Variants in ACBD7 observed in about 807,000 individuals in gnomAD.
ACBD7 encodes acyl-CoA-binding domain-containing protein 7.
In ACBD7, 11 loss-of-function variants were observed where a neutral mutation model predicts 13.7. The observed-to-expected ratio is 0.80, with a 90% CI of 0.50 to 1.33. The LOEUF (loss-of-function observed/expected upper bound fraction) is 1.33. ACBD7 is among the 40% of genes most tolerant of loss of function. The pLI, the probability that ACBD7 is intolerant of heterozygous loss-of-function variation, is 0.00. For synonymous variants in ACBD7, 43 were observed against 37.7 expected (o/e 1.14, Z -0.51); for missense variants, 111 against 103.0 (o/e 1.08, Z -0.33).
At chr10:15,079,837 G>A (rs369481839) in intron 1 of ACBD7, among the ~76,000 whole-genome samples, 44 of 151,376 alleles carry the variant, frequency 2.9e-4, no homozygotes, top group African/African-American at 1.0e-3. Context: ...TTGGCCTCCC[G>A]AAGTGCTGGG....
intron 1 of ACBD7, chr10:15,088,428 G>C: frequency 2.0e-6 from 1 of 504,222 alleles, no homozygotes; most frequent in Non-Finnish European, 3.5e-6. Context: ...ACTCCCTCTC[G>C]GAGACGGAGA....
chr10:15,084,157 T>C (rs1046071773), intron 1 of ACBD7, among the ~76,000 whole-genome samples: 1 of 152,186 alleles, frequency 6.6e-6, no homozygotes, highest in Non-Finnish European at 1.5e-5. Context: ...CAGAACTTAC[T>C]AGAGCTCAAC....
chr10:15,080,522 G>A (rs561747234), intron 1 of ACBD7, among the ~76,000 whole-genome samples: 1 of 152,036 alleles, frequency 6.6e-6, no homozygotes, highest in African/African-American at 2.4e-5. Context: ...GGAGGTTGCA[G>A]TGAGCTGAAA....
At chr10:15,088,693 G>A (rs769320206) in intron 1 of ACBD7, 24 bp downstream of exon 1, 1 of 1,595,868 alleles carries the variant, frequency 6.3e-7, no homozygotes, top group Non-Finnish European at 8.5e-7. Flanking sequence ...CCCCTCCCGC[G>A]TGGCCTCCCC....
chr10:15,087,279 A>C (rs1172875122), intron 1 of ACBD7, among the ~76,000 whole-genome samples: 6 of 152,272 alleles, frequency 3.9e-5, no homozygotes, highest in African/African-American at 1.4e-4. Context: ...TAACTCATTT[A>C]ATGTATCTCT....
At chr10:15,088,493 C>T (rs968899691) in intron 1 of ACBD7, 14 of 607,866 alleles carry the variant, frequency 2.3e-5, no homozygotes, top group African/African-American at 4.0e-5. Context: ...CTTTTCCGCT[C>T]ACCCGGCCCC....
intron 1 of ACBD7, among the ~76,000 whole-genome samples, chr10:15,086,555 G>A (rs1014635093): frequency 6.6e-6 from 1 of 152,132 alleles, no homozygotes; most frequent in Admixed American, 6.5e-5. Flanking sequence ...TTTGGAGAGA[G>A]TTCAGTATAA....
In ACBD7 at chr10:15,076,596, G is replaced by T. The variant is rs1844685201; in HGVS notation, c.*1934C>A. ...TGGCTCACTGCAACCTCCATCTCCT[G>T]GGTAAAAGCAATTCTCCTGCCTCAG... On this transcript the variant is annotated 3_prime_UTR_variant, in exon 4 of 4. Transcript: ENST00000356189. 7.4e-6 allele frequency: 5 copies of T among 675,018 alleles called. No individual in the cohort carries two copies. In the South Asian group the frequency reaches 3.4e-4, roughly 45 times the overall value. The allele number at this position is 675,018 out of a possible 1,614,324, so 41.8% of individuals were successfully genotyped here. A position where few individuals can be genotyped will look rare whatever the true frequency, so the allele number is the denominator to read the frequency against.
At chr10:15,084,624 C>T (rs1454830265) in intron 1 of ACBD7, among the ~76,000 whole-genome samples, 2 of 152,202 alleles carry the variant, frequency 1.3e-5, no homozygotes, top group Non-Finnish European at 2.9e-5. Context: ...CCAGAGGCTT[C>T]CCATTGGTTA....
intron 1 of ACBD7, among the ~76,000 whole-genome samples, chr10:15,085,757 CA>C (rs1844801464): frequency 6.6e-6 from 1 of 152,172 alleles, no homozygotes; most frequent in Non-Finnish European, 1.5e-5. Context: ...TTGTAATTTT[CA>C]GATAAAATCA....
intron 1 of ACBD7, among the ~76,000 whole-genome samples, chr10:15,079,338 C>T (rs1218273229): frequency 6.7e-6 from 1 of 149,826 alleles, no homozygotes; most frequent in East Asian, 2.0e-4. Context: ...GCAGTGGCAC[C>T]GTCTCCACTC....
Position 15,078,379 on chromosome 10 carries a change from T to A in ACBD7, c.*151A>T. On this transcript the variant is annotated 3_prime_UTR_variant, in exon 4 of 4. Coordinates refer to ENST00000356189, the MANE Select transcript of ACBD7 (RefSeq NM_001039844.3). Reference sequence around the variant, plus strand: ...AGCAAGTACAATTGAGTTAACTATGTAGTTTCAGTATACTTCTAAGTACTA... The same window carrying A: ...AGCAAGTACAATTGAGTTAACTATGAAGTTTCAGTATACTTCTAAGTACTA... 6.6e-7 allele frequency: 1 copy of A among 1,505,792 alleles called. No homozygotes were observed. The highest frequency in any genetic ancestry group is 8.8e-7 in the Non-Finnish European group (1 of 1,136,352). The allele number at this position is 1,505,792 out of a possible 1,614,324, so 93.3% of individuals were successfully genotyped here.
Position 15,088,742 on chromosome 10 carries a change from G to C in ACBD7, c.-14C>G. 1 of 1,598,364 alleles carries C rather than the reference G, an allele frequency of 6.3e-7. No homozygotes were observed. The highest frequency in any genetic ancestry group is 8.5e-7 in the Non-Finnish European group (1 of 1,175,322). On this transcript the variant is annotated 5_prime_UTR_variant, in exon 1 of 4. Coordinates refer to ENST00000356189, the MANE Select transcript of ACBD7 (RefSeq NM_001039844.3). Reference sequence around the variant, plus strand: ...CTGCAGGGCCATGGTGGCGGCTGCCGCGTTGTTGCTGCTGCTGTTGTCGTC... The same window carrying C: ...CTGCAGGGCCATGGTGGCGGCTGCCCCGTTGTTGCTGCTGCTGTTGTCGTC...
chr10:15,087,913 G>A (rs1197571841), intron 1 of ACBD7, among the ~76,000 whole-genome samples: 1 of 152,100 alleles, frequency 6.6e-6, no homozygotes, highest in East Asian at 1.9e-4. Context: ...GCTTACACCT[G>A]GGAGGTGGAG....
At chr10:15,083,940 C>T (rs886628508) in intron 1 of ACBD7, among the ~76,000 whole-genome samples, 6 of 152,354 alleles carry the variant, frequency 3.9e-5, no homozygotes, top group South Asian at 2.1e-4. Flanking sequence ...TGCTTGAAGG[C>T]GCTCATAGCC....
At chr10:15,084,410 G>A (rs1452223461) in intron 1 of ACBD7, among the ~76,000 whole-genome samples, 1 of 152,144 alleles carries the variant, frequency 6.6e-6, no homozygotes, top group East Asian at 1.9e-4. Context: ...GAATTCCAAA[G>A]CATTCTTGTT....
Position 15,075,500 on chromosome 10 carries a change from T to C in ACBD7, c.*3030A>G, listed in dbSNP as rs938353334. Among the ~76,000 whole-genome samples, 3 of 152,192 alleles carry C rather than the reference T, an allele frequency of 2.0e-5. No individual in the cohort carries two copies. Among genetic ancestry groups the C allele is most frequent in the Non-Finnish European group, 4.4e-5 (3 of 68,038 alleles). On this transcript the variant is annotated 3_prime_UTR_variant, in exon 4 of 4. Transcript: ENST00000356189. ...TAGCCTTTTACCCAATTTCCTTTAA[T>C]GGTAACTGTTATGCAAAACTATAGT...
At chr10:15,078,856 T>C in intron 2 of ACBD7, 67 bp downstream of exon 2, 1 of 1,257,396 alleles carries the variant, frequency 8.0e-7, no homozygotes, top group Non-Finnish European at 1.1e-6. Context: ...AGTAATTATA[T>C]ATTATAATCG....
chr10:15,080,968 G>A (rs1292255045), intron 1 of ACBD7, among the ~76,000 whole-genome samples: 1 of 152,136 alleles, frequency 6.6e-6, no homozygotes, highest in Non-Finnish European at 1.5e-5. Flanking sequence ...CTTCTTCTCT[G>A]ATGCCAGAGC....
Sources: allele counts gnomAD v4.1 joint callset (sites outside exome capture counted in the v4.1 genomes callset), GRCh38; gene constraint gnomAD v4.1.1; transcripts MANE v1.5; gene names NCBI Gene and HGNC (gene_info 2026-07-23, HGNC 2026-07-21).